Variants in FER1L5 observed in about 807,000 individuals in gnomAD.
FER1L5 encodes fer-1 like family member 5, also known as fer-1-like protein 5.
In FER1L5, 187 loss-of-function variants were observed where a neutral mutation model predicts 279.9. The observed-to-expected ratio is 0.67, with a 90% confidence interval of 0.59 to 0.75. FER1L5 has a LOEUF of 0.75. Ranked by LOEUF, FER1L5 falls within the 30% of genes least tolerant of loss-of-function variation. The pLI is 0.00. For synonymous variants in FER1L5, 921 were observed against 989.7 expected (o/e 0.93, Z 1.30); for missense variants, 2,091 against 2,594.4 (o/e 0.81, Z 4.21).
rs1415512090 is a variant in FER1L5, at chr2:96,694,719, G to A, written c.3741+255G>A. Reference sequence around the variant, plus strand: ...ATGCATGATCACTTGTGGGACTCACGCTGCCCCTGCGCAGTAGCAACTACT... The same window carrying A: ...ATGCATGATCACTTGTGGGACTCACACTGCCCCTGCGCAGTAGCAACTACT... On this transcript the variant is annotated intron_variant, in intron 34 of 52. Coordinates refer to ENST00000624922, the MANE Select transcript of FER1L5 (RefSeq NM_001293083.2). This position sits in a 1 kb window ranked among gnomAD's most constrained non-coding sequence, Gnocchi z 4.6. The A allele has an allele frequency of 1.9e-5, 7 of 360,474 alleles. No individual in the cohort carries two copies. Among genetic ancestry groups the A allele is most frequent in the Non-Finnish European group, 3.0e-5 (6 of 202,110 alleles). The allele number at this position is 360,474 out of a possible 1,614,324, so 22.3% of individuals were successfully genotyped here. A position where few individuals can be genotyped will look rare whatever the true frequency, so the allele number is the denominator to read the frequency against.
chr2:96,696,007 C>T (rs370941807), intron 36 of FER1L5, 45 bp from the exon 37 acceptor site: 2 of 1,612,404 alleles, frequency 1.2e-6, no homozygotes, highest in South Asian at 1.1e-5. Flanking sequence ...TCCTCCTCAG[C>T]CCTCTCCCCA....
chr2:96,691,270 C>G lies in FER1L5; in HGVS notation c.2824C>G (p.Arg942Gly). Residue 942 changes from arginine to glycine, a missense_variant, in exon 28 of 53, where the codon CGC (arginine) becomes GGC (glycine). Transcript: ENST00000624922. This position sits in a 1 kb window ranked among gnomAD's most constrained non-coding sequence, Gnocchi z 6.0. ...GGTGGAGAAGACCTACCACTCGTGC[C>G]GCCGCCGGCGCTGGGCGCGTGTGCG... Reference protein sequence around the residue: ...SPVEKTYHSCRRRRWARVRFR... With the variant: ...SPVEKTYHSCGRRRWARVRFR... 6.4e-7 allele frequency: 1 copy of G among 1,550,524 alleles called. No homozygotes were observed. The highest frequency in any genetic ancestry group is 8.7e-7 in the Non-Finnish European group (1 of 1,146,882).
Position 96,661,708 on chromosome 2 carries a change from T to C in FER1L5, c.935T>C (p.Ile312Thr). 6.4e-7 allele frequency: 1 copy of C among 1,551,700 alleles called. No individual in the cohort carries two copies. Among genetic ancestry groups the C allele is most frequent in the Non-Finnish European group, 8.7e-7 (1 of 1,146,994 alleles). Reference sequence around the variant, plus strand: ...CTCTATGGCACCGATGACACCGATATTCAGATCTTCAAGTCAGCGGTAGTC... The same window carrying C: ...CTCTATGGCACCGATGACACCGATACTCAGATCTTCAAGTCAGCGGTAGTC... The part of the protein sequence containing the change: ...KLLYGTDDTD[I>T]QIFKSAVVPI... Residue 312 changes from isoleucine to threonine, a missense_variant, in exon 12 of 53, where the codon ATT (isoleucine) becomes ACT (threonine). By Grantham distance (89) the Ile-to-Thr change is moderately conservative (BLOSUM62 -1). Coordinates refer to ENST00000624922, the MANE Select transcript of FER1L5 (RefSeq NM_001293083.2).
rs774705925 is a variant in FER1L5 at position 96,699,732 on chromosome 2, C to A, written c.4781+12C>A. 7 of 1,613,362 alleles carry A rather than the reference C, an allele frequency of 4.3e-6. No individual in the cohort carries two copies. The Admixed American group carries it at 6.7e-5, about 15-fold the overall frequency. ...AAATCCTACTGCCAGTGAGAGTGGG[C>A]CCGTCTGGGGGAAGGGAGTCAGGTG... On this transcript the variant is annotated intron_variant, in intron 43 of 52. Coordinates refer to ENST00000624922, the MANE Select transcript of FER1L5 (RefSeq NM_001293083.2).
rs181381615 is a variant in FER1L5, at chr2:96,694,033, C to T, written c.3597C>T (p.Gly1199=). 5.1e-5 allele frequency: 79 copies of T among 1,547,732 alleles called. No individual in the cohort carries two copies. Among genetic ancestry groups the T allele is most frequent in the African/African-American group, 2.5e-4 (18 of 73,156 alleles). Residue 1199 remains glycine (G), a synonymous_variant, in exon 33 of 53, where the codon GGC becomes GGT. Coordinates refer to ENST00000624922, the MANE Select transcript of FER1L5 (RefSeq NM_001293083.2). The surrounding 1 kb of genome is among the most constrained non-coding windows in gnomAD (Gnocchi z 4.6). ...TAAAGGAGTTGGGGAAGGAAGAGGG[C>T]GAGATCTTGGCATCCTGTGAGCTGA... is the stretch of plus-strand genomic sequence containing the variant. ...PLVKELGKEE[G]EILASCELIL...
In FER1L5 at chr2:96,703,618, A is replaced by G. The variant is rs1354260626; in HGVS notation, c.5787A>G (p.Thr1929=). The G allele has an allele frequency of 1.2e-6, 2 of 1,613,686 alleles. No individual in the cohort carries two copies. The highest frequency in any genetic ancestry group is 1.7e-6 in the Non-Finnish European group (2 of 1,179,860). The part of the protein sequence containing the change: ...RGQSEPNQYP[T]LHPPLRTNTS... ...AGTCGGAACCCAACCAGTACCCCAC[A>G]CTTCATCCTCCCCTGTAAGGGTCCT... Residue 1929 remains threonine, a synonymous_variant, in exon 51 of 53, where the codon ACA becomes ACG. Transcript: ENST00000624922.
Position 96,694,166 on chromosome 2 carries a change from G to A in FER1L5, c.3636+94G>A. The A allele has an allele frequency of 6.9e-7, 1 of 1,448,852 alleles. No homozygotes were observed. Among genetic ancestry groups the A allele is most frequent in the East Asian group, 2.5e-5 (1 of 40,200 alleles). 89.7% of individuals were successfully genotyped at this position (1,448,852 alleles called of 1,614,324 possible). On this transcript the variant is annotated intron_variant, in intron 33 of 52. Transcript: ENST00000624922. The surrounding 1 kb of genome is among the most constrained non-coding windows in gnomAD (Gnocchi z 4.6). ...GCGGGGGCCAACTCCACCCTGTCAG[G>A]AAATGCCTGGGGCCCAGGATCCCGA...
At chr2:96,645,742 C>T (rs2106409811) in intron 1 of FER1L5, among the ~76,000 whole-genome samples, 1 of 152,180 alleles carries the variant, frequency 6.6e-6, no homozygotes, top group African/African-American at 2.4e-5. Context: ...TGCCACTGTA[C>T]TCCAGCCTGG....
intron 10 of FER1L5, among the ~76,000 whole-genome samples, chr2:96,661,047 C>T (rs1475206011): frequency 2.6e-5 from 4 of 152,180 alleles, no homozygotes; most frequent in East Asian, 1.9e-4. Flanking sequence ...ATGCTTGCCT[C>T]TACAGTGCCT....
At position 96,651,920 on chromosome 2, in the gene FER1L5, A is replaced by G. The variant is rs1392985308; in HGVS notation, c.533A>G (p.Gln178Arg). ...QVRVKVFEAR[Q>R]LMGNNIKPVV... ...CGAGTGAAGGTGTTTGAAGCCCGAC[A>G]GCTCATGGGCAACAACATCAAACCA... The change falls in exon 7 of 53, where the codon CAG becomes CGG. Residue 178 changes from glutamine to arginine, a missense_variant. Gln to Arg is a conservative substitution (Grantham distance 43, BLOSUM62 1). Coordinates refer to ENST00000624922, the MANE Select transcript of FER1L5 (RefSeq NM_001293083.2). The G allele has an allele frequency of 2.6e-6, 4 of 1,552,050 alleles. No homozygotes were observed. Among genetic ancestry groups the G allele is most frequent in the Admixed American group, 3.9e-5 (2 of 51,002 alleles).
In FER1L5 at chr2:96,684,408, G is replaced by T; in HGVS notation, c.1751G>T (p.Arg584Leu). 6.4e-7 allele frequency: 1 copy of T among 1,551,620 alleles called. No individual in the cohort carries two copies. The highest frequency in any genetic ancestry group is 8.7e-7 in the Non-Finnish European group (1 of 1,146,972). The change falls in exon 20 of 53, where the codon CGC (arginine) becomes CTC (leucine). Residue 584 changes from arginine to leucine, a missense_variant. Transcript: ENST00000624922. ...VTSNWEDVSFRMNCLNLLHFT... is the reference protein window; with the variant it reads ...VTSNWEDVSFLMNCLNLLHFT... The stretch of plus-strand genomic sequence containing the variant: ...TCCAACTGGGAGGACGTCAGCTTCC[G>T]CATGAACTGCCTCAACCTCCTCCAC...
At position 96,689,521 on chromosome 2, in the gene FER1L5, C is replaced by T; in HGVS notation, c.2526-123C>T. The T allele has an allele frequency of 6.9e-7, 1 of 1,438,934 alleles. No homozygotes were observed. The highest frequency in any genetic ancestry group is 9.5e-7 in the Non-Finnish European group (1 of 1,049,192). 89.1% of individuals were successfully genotyped at this position (1,438,934 alleles called of 1,614,324 possible). ...ACCAGGCCAAGGGCCCTGCCCACCA[C>T]CCTGTCCTGCCCAGAGCAGGTGGGG... On this transcript the variant is annotated intron_variant, in intron 25 of 52. Coordinates refer to ENST00000624922, the MANE Select transcript of FER1L5 (RefSeq NM_001293083.2). This position sits in a 1 kb window ranked among gnomAD's most constrained non-coding sequence, Gnocchi z 4.6.
At chr2:96,647,197 C>T (rs375710326) in intron 3 of FER1L5, 42 bp downstream of exon 3, 20 of 1,531,328 alleles carry the variant, frequency 1.3e-5, no homozygotes, top group Middle Eastern at 1.7e-4. Flanking sequence ...TCCTGACCAA[C>T]GCAGCAGCAA....
chr2:96,660,315 T>C (rs2075907953), intron 9 of FER1L5, 26 bp from the exon 10 acceptor site: 2 of 1,551,634 alleles, frequency 1.3e-6, no homozygotes, highest in African/African-American at 2.7e-5. Flanking sequence ...CCCTAACTAA[T>C]CCTCACCCCA....
rs142540709 is a variant in FER1L5, at chr2:96,656,845, T to A, written c.747+2349T>A. Among the ~76,000 whole-genome samples, 504 of 151,518 alleles carry A rather than the reference T, an allele frequency of 3.3e-3. 4 individuals are homozygous for A. Among genetic ancestry groups the A allele is most frequent in the African/African-American group, 0.012 (485 of 41,420 alleles). ...TGGTCTGGGTTTTGCTGATTTCATC[T>A]TCAGGGAATCATTTTGCATTCCCCC... On this transcript the variant is annotated intron_variant, in intron 9 of 52. Coordinates refer to ENST00000624922, the MANE Select transcript of FER1L5 (RefSeq NM_001293083.2).
At chr2:96,650,675 G>C (rs954084390) in intron 6 of FER1L5, among the ~76,000 whole-genome samples, 3 of 152,192 alleles carry the variant, frequency 2.0e-5, no homozygotes, top group Non-Finnish European at 4.4e-5. Context: ...GATCTGAGGG[G>C]ACCTATGGAA....
Position 96,702,168 on chromosome 2 carries a change from C to G in FER1L5, c.5159+125C>G. On this transcript the variant is annotated intron_variant, in intron 46 of 52. Coordinates refer to ENST00000624922, the MANE Select transcript of FER1L5 (RefSeq NM_001293083.2). The surrounding 1 kb of genome is among the most constrained non-coding windows in gnomAD (Gnocchi z 4.0). ...TTCTCTATTGGGAAGAGAGGAAGCT[C>G]TACTGGGAGCTTTCTTCCCCTGAAT... The G allele has an allele frequency of 6.4e-7, 1 of 1,564,614 alleles. No homozygotes were observed. Among genetic ancestry groups the G allele is most frequent in the Admixed American group, 1.9e-5 (1 of 52,476 alleles).
At chr2:96,647,985 C>A in intron 4 of FER1L5, 99 bp downstream of exon 4, 7 of 872,078 alleles carry the variant, frequency 8.0e-6, no homozygotes, top group Non-Finnish European at 1.3e-5. Context: ...CTTGGGGGGC[C>A]CCATCACACT....
intron 3 of FER1L5, 106 bp downstream of exon 3, chr2:96,647,261 C>G (rs890851373): frequency 7.5e-6 from 9 of 1,200,014 alleles, no homozygotes; most frequent in Non-Finnish European, 9.4e-6. Flanking sequence ...GGAATGGAAC[C>G]CACTCCAGCC....
Sources: allele counts gnomAD v4.1 joint callset (sites outside exome capture counted in the v4.1 genomes callset), GRCh38; gene constraint gnomAD v4.1.1; non-coding constraint Gnocchi (gnomAD v3.1); transcripts MANE v1.5; gene names NCBI Gene and HGNC (gene_info 2026-07-23, HGNC 2026-07-21).